BTBD9: variants seen among roughly 807,000 people sequenced by gnomAD.
The protein encoded by BTBD9 is BTB domain containing 9, also known as BTB/POZ domain-containing protein 9.
In BTBD9, 49 loss-of-function variants were observed where a neutral mutation model predicts 64.3. The ratio of observed to expected loss-of-function variants is 0.76; its 90% CI spans 0.61 to 0.97. The LOEUF (loss-of-function observed/expected upper bound fraction) is 0.97. Among genes scored for constraint, BTBD9 ranks in the 50% least tolerant of loss-of-function variants. The pLI, the probability that BTBD9 is intolerant of heterozygous loss-of-function variation, is 0.00. For synonymous variants in BTBD9, 260 were observed against 274.7 expected (o/e 0.95, Z 0.53); for missense variants, 598 against 762.1 (o/e 0.78, Z 2.53).
chr6:38,601,999 T>C (rs1181774703), intron 1 of BTBD9, among the ~76,000 whole-genome samples: 1 of 152,172 alleles, frequency 6.6e-6, no homozygotes, highest in African/African-American at 2.4e-5. Flanking sequence ...AAGGAAATTA[T>C]AAAACTCCAC....
chr6:38,476,223 C>G lies in BTBD9; in HGVS notation c.1154+101377G>C, dbSNP rs1770873408. 2.0e-5 allele frequency among the ~76,000 whole-genome samples: 3 copies of G among 152,216 alleles called. 1 individual carries two copies. The South Asian group carries it at 6.2e-4, about 31-fold the overall frequency. Reference sequence around the variant, plus strand: ...AGCACAGCACAAAGGCCAGAATCATCTGATCACAAATTCCTCCCAGGGATA... The same window carrying G: ...AGCACAGCACAAAGGCCAGAATCATGTGATCACAAATTCCTCCCAGGGATA... On this transcript the variant is annotated intron_variant, in intron 6 of 10. Coordinates refer to ENST00000481247, the MANE Select transcript of BTBD9 (RefSeq NM_001099272.2).
At chr6:38,467,556 C>G (rs1213499193) in intron 6 of BTBD9, among the ~76,000 whole-genome samples, 3 of 152,204 alleles carry the variant, frequency 2.0e-5, no homozygotes, top group African/African-American at 7.2e-5. Flanking sequence ...CCATTCATAT[C>G]CATTGCTTCA....
rs1376050883 is a variant in BTBD9 at position 38,282,657 on chromosome 6, T to C, written c.1454+5615A>G. On this transcript the variant is annotated intron_variant, in intron 8 of 10. Transcript: ENST00000481247. The stretch of plus-strand genomic sequence containing the variant: ...GCTGGCCATGCTATCCCCTCCCTCC[T>C]GCTCCAGCCACACTGGCCTCCTAGC... Among the ~76,000 whole-genome samples the C allele has an allele frequency of 2.0e-5, 3 of 152,162 alleles. No individual in the cohort carries two copies. The East Asian group carries it at 5.8e-4, about 29-fold the overall frequency.
chr6:38,246,832 C>T (rs1764225153), intron 9 of BTBD9, among the ~76,000 whole-genome samples: 1 of 152,304 alleles, frequency 6.6e-6, no homozygotes, highest in African/African-American at 2.4e-5. Flanking sequence ...ACAGCCCTGT[C>T]TGTTATTACC....
chr6:38,461,754 C>A (rs1179461284), intron 6 of BTBD9, among the ~76,000 whole-genome samples: 1 of 152,150 alleles, frequency 6.6e-6, no homozygotes, highest in Non-Finnish European at 1.5e-5. Flanking sequence ...TTTTCCAATG[C>A]GGTTATACCA....
intron 9 of BTBD9, among the ~76,000 whole-genome samples, chr6:38,199,480 A>G (rs1335527832): frequency 6.6e-6 from 1 of 152,222 alleles, no homozygotes; most frequent in African/African-American, 2.4e-5. Context: ...GATATAGCAT[A>G]CAACAAAGTT....
chr6:38,328,744 G>A (rs1027169084), intron 7 of BTBD9, among the ~76,000 whole-genome samples: 12 of 151,948 alleles, frequency 7.9e-5, no homozygotes, highest in Admixed American at 4.6e-4. Context: ...TCACGAGATC[G>A]AGAACATCCT....
intron 8 of BTBD9, among the ~76,000 whole-genome samples, chr6:38,270,570 G>A (rs1301254230): frequency 6.6e-6 from 1 of 152,158 alleles, no homozygotes; most frequent in Non-Finnish European, 1.5e-5. Context: ...GAGTGTTTGG[G>A]TGTCAGGGGC....
intron 4 of BTBD9, among the ~76,000 whole-genome samples, chr6:38,584,415 A>G (rs543949222): frequency 8.5e-5 from 13 of 152,228 alleles, no homozygotes; most frequent in Non-Finnish European, 1.8e-4. Context: ...TTAAGCTTTG[A>G]AATTCTACAG....
chr6:38,180,609 C>G (rs1046879412), intron 10 of BTBD9, among the ~76,000 whole-genome samples: 5 of 152,314 alleles, frequency 3.3e-5, no homozygotes, highest in African/African-American at 9.6e-5. Context: ...CAAACTTTCC[C>G]AAGACTGCAA....
At chr6:38,631,341 A>G (rs1290376447) in intron 1 of BTBD9, among the ~76,000 whole-genome samples, 1 of 152,240 alleles carries the variant, frequency 6.6e-6, no homozygotes, top group African/African-American at 2.4e-5. Context: ...GGGAAAAAGG[A>G]TTGATGGTTG....
In BTBD9 at chr6:38,562,048, A is replaced by G. The variant is rs534249071; in HGVS notation, c.1154+15552T>C. Among the ~76,000 whole-genome samples the G allele has an allele frequency of 2.0e-5, 3 of 152,336 alleles. No homozygotes were observed. The East Asian group carries it at 5.8e-4, about 29-fold the overall frequency. On this transcript the variant is annotated intron_variant, in intron 6 of 10. Coordinates refer to ENST00000481247, the MANE Select transcript of BTBD9 (RefSeq NM_001099272.2). ...GCCATTTTCAAAACAAGATATTAAC[A>G]AATTGTATTTTTCTTAAGAAGCCAA... is the stretch of plus-strand genomic sequence containing the variant.
intron 6 of BTBD9, among the ~76,000 whole-genome samples, chr6:38,522,428 T>C (rs1005135460): frequency 6.6e-6 from 1 of 152,206 alleles, no homozygotes; most frequent in Non-Finnish European, 1.5e-5. Flanking sequence ...CCAGATTCAA[T>C]AACTATTTTA....
intron 7 of BTBD9, among the ~76,000 whole-genome samples, chr6:38,338,430 G>T (rs1338498112): frequency 6.6e-6 from 1 of 152,108 alleles, no homozygotes; most frequent in African/African-American, 2.4e-5. Flanking sequence ...AGATAAGGGG[G>T]TCTACTGTAC....
chr6:38,415,890 T>C (rs1347464339), intron 6 of BTBD9, among the ~76,000 whole-genome samples: 1 of 152,066 alleles, frequency 6.6e-6, no homozygotes, highest in Non-Finnish European at 1.5e-5. Flanking sequence ...TCACTCATAT[T>C]TCTTCAAATG....
chr6:38,284,242 T>A (rs144100417), intron 8 of BTBD9, among the ~76,000 whole-genome samples: 255 of 152,288 alleles, frequency 1.7e-3, no homozygotes, highest in African/African-American at 5.0e-3. Flanking sequence ...TGTGCTGAGA[T>A]ACACAATTCT....
intron 8 of BTBD9, among the ~76,000 whole-genome samples, chr6:38,273,922 G>C (rs1010136215): frequency 6.6e-6 from 1 of 152,210 alleles, no homozygotes; most frequent in Non-Finnish European, 1.5e-5. Flanking sequence ...CGCCACTTAG[G>C]GCCCAGTGGG....
chr6:38,287,558 T>C (rs1303102992), intron 8 of BTBD9, among the ~76,000 whole-genome samples: 3 of 152,232 alleles, frequency 2.0e-5, no homozygotes, highest in Admixed American at 2.0e-4. Context: ...TTCAGTATAG[T>C]AACATGCTGT....
intron 6 of BTBD9, among the ~76,000 whole-genome samples, chr6:38,455,212 T>TA (rs1397040523): frequency 6.6e-6 from 1 of 152,226 alleles, no homozygotes; most frequent in East Asian, 1.9e-4. Flanking sequence ...CTCATGTACT[T>TA]ACCACCACAA....
Sources: allele counts gnomAD v4.1 joint callset (sites outside exome capture counted in the v4.1 genomes callset), GRCh38; gene constraint gnomAD v4.1.1; transcripts MANE v1.5; gene names NCBI Gene and HGNC (gene_info 2026-07-23, HGNC 2026-07-21).